MAP2K6: variants seen among roughly 807,000 people sequenced by gnomAD.
MAP2K6 encodes mitogen-activated protein kinase kinase 6.
Under a neutral mutation model 53.7 loss-of-function variants are expected in MAP2K6, and 16 were observed. The observed-to-expected ratio is 0.30, with a 90% confidence interval of 0.20 to 0.45. MAP2K6 has a LOEUF of 0.45. Ranked by LOEUF, MAP2K6 falls within the 20% of genes least tolerant of loss-of-function variation. The probability of loss-of-function intolerance (pLI) is 1.00; values close to 1 mark genes in which losing one functional copy is unlikely to be tolerated. For synonymous variants in MAP2K6, 132 were observed against 143.1 expected (o/e 0.92, Z 0.55); for missense variants, 204 against 411.9 (o/e 0.50, Z 4.37).
intron 1 of MAP2K6, among the ~76,000 whole-genome samples, chr17:69,438,006 C>T (rs554037650): frequency 3.3e-5 from 5 of 152,180 alleles, no homozygotes; most frequent in African/African-American, 7.2e-5. Context: ...TCTGGAGAGC[C>T]GCTGAAAAAG....
At chr17:69,533,509 G>A (rs1444923128) in intron 10 of MAP2K6, among the ~76,000 whole-genome samples, 1 of 152,174 alleles carries the variant, frequency 6.6e-6, no homozygotes, top group Non-Finnish European at 1.5e-5. Flanking sequence ...TAGTAACGGA[G>A]TGGGCCTGGG....
chr17:69,535,859 G>A (rs1911327808), intron 10 of MAP2K6, among the ~76,000 whole-genome samples: 1 of 147,184 alleles, frequency 6.8e-6, no homozygotes, highest in Non-Finnish European at 1.5e-5. Context: ...CATATCATCG[G>A]TAAAGTATCA....
At chr17:69,539,317 C>A (rs1307927515) in intron 11 of MAP2K6, among the ~76,000 whole-genome samples, 1 of 152,118 alleles carries the variant, frequency 6.6e-6, no homozygotes, top group Non-Finnish European at 1.5e-5. Flanking sequence ...AAAGTCCTCC[C>A]TTCTTGTCTC....
At chr17:69,458,186 TG>T (rs1907486782) in intron 1 of MAP2K6, among the ~76,000 whole-genome samples, 1 of 152,138 alleles carries the variant, frequency 6.6e-6, no homozygotes, top group African/African-American at 2.4e-5. Context: ...CCCAAGTAGC[TG>T]GGGCTACAGG....
At chr17:69,502,372 C>T (rs1229217753) in intron 1 of MAP2K6, 23 of 985,296 alleles carry the variant, frequency 2.3e-5, no homozygotes, top group African/African-American at 3.5e-5. Context: ...TCACCAGAGT[C>T]GCCTCTGCTG....
intron 1 of MAP2K6, among the ~76,000 whole-genome samples, chr17:69,482,888 A>G (rs1908399242): frequency 6.6e-6 from 1 of 151,948 alleles, no homozygotes; most frequent in Non-Finnish European, 1.5e-5. Flanking sequence ...ACCAATTTAT[A>G]TTTTCACTAT....
At chr17:69,516,783 G>T (rs75769280) in intron 2 of MAP2K6, 72 bp from the exon 3 acceptor site, 2 of 1,085,034 alleles carry the variant, frequency 1.8e-6, no homozygotes, top group African/African-American at 1.6e-5. Context: ...TATCCTCAGT[G>T]GTGTGTGATT....
At chr17:69,523,142 T>A (rs750405278) in intron 7 of MAP2K6, among the ~76,000 whole-genome samples, 37 of 152,348 alleles carry the variant, frequency 2.4e-4, no homozygotes, top group Non-Finnish European at 4.3e-4. Context: ...GCCTTTTTGT[T>A]CTTTGTTTTA....
rs1303102052 is a variant in MAP2K6, at chr17:69,548,220, G to A, written c.*6467G>A. 6.6e-6 allele frequency: 1 copy of A among 152,050 alleles called. No individual in the cohort carries two copies. The highest frequency in any genetic ancestry group is 1.5e-5 in the Non-Finnish European group (1 of 68,004). 9.4% of individuals were successfully genotyped at this position (152,050 alleles called of 1,614,324 possible). ...CATCAGTAAATTTCAATTTTAAGGG[G>A]CCTATGCAAAATGCCTCCTTTCTGA... is the stretch of plus-strand genomic sequence containing the variant. On this transcript the variant is annotated 3_prime_UTR_variant, in exon 12 of 12. Transcript: ENST00000590474.
At position 69,549,371 on chromosome 17, in the gene MAP2K6, G is replaced by T. The variant is rs1040851460; in HGVS notation, c.*7618G>T. On this transcript the variant is annotated 3_prime_UTR_variant, in exon 12 of 12. Transcript: ENST00000590474. ...TTTAGGCACTTACTTGTGTCTTAAT[G>T]TGGGAAACAGAACTTTCTAAGTAAT... The T allele has an allele frequency of 6.6e-5, 10 of 152,176 alleles. No individual in the cohort carries two copies. The highest frequency in any genetic ancestry group is 1.9e-4 in the African/African-American group (8 of 41,436). The allele number at this position is 152,176 out of a possible 1,614,324, so 9.4% of individuals were successfully genotyped here. A position where few individuals can be genotyped will look rare whatever the true frequency, so the allele number is the denominator to read the frequency against.
intron 1 of MAP2K6, among the ~76,000 whole-genome samples, chr17:69,491,372 G>C (rs1377579531): frequency 6.6e-6 from 1 of 152,112 alleles, no homozygotes; most frequent in Non-Finnish European, 1.5e-5. Flanking sequence ...TTGAACTCCT[G>C]ACCTCAACTA....
At position 69,544,001 on chromosome 17, in the gene MAP2K6, T is replaced by C. The variant is rs936546928; in HGVS notation, c.*2248T>C. 1 of 152,234 alleles carries C rather than the reference T, an allele frequency of 6.6e-6. No individual in the cohort carries two copies. The highest frequency in any genetic ancestry group is 2.4e-5 in the African/African-American group (1 of 41,458). The allele number at this position is 152,234 out of a possible 1,614,324, so 9.4% of individuals were successfully genotyped here. A position where few individuals can be genotyped will look rare whatever the true frequency, so the allele number is the denominator to read the frequency against. On this transcript the variant is annotated 3_prime_UTR_variant, in exon 12 of 12. Coordinates refer to ENST00000590474, the MANE Select transcript of MAP2K6 (RefSeq NM_002758.4). ...GGATTTAACTGGTGGGGCCTAGGAA[T>C]TGGTGTTTTTTTGTTTTGTTTTGTT... is the stretch of plus-strand genomic sequence containing the variant.
At chr17:69,530,021 G>A (rs143249737) in intron 10 of MAP2K6, among the ~76,000 whole-genome samples, 436 of 152,100 alleles carry the variant, frequency 2.9e-3, no homozygotes, top group Non-Finnish European at 4.9e-3. Context: ...ATTTTGAGCC[G>A]TAGACATGTC....
chr17:69,460,830 G>A (rs12944312), intron 1 of MAP2K6, among the ~76,000 whole-genome samples: 33,137 of 152,048 alleles, frequency 0.22, 3,836 homozygotes, highest in Middle Eastern at 0.27. Context: ...GAATTCCTGG[G>A]CTCAAGAGAT....
At chr17:69,515,318 G>A (rs1490823140) in intron 2 of MAP2K6, among the ~76,000 whole-genome samples, 5 of 151,930 alleles carry the variant, frequency 3.3e-5, no homozygotes, top group Non-Finnish European at 5.9e-5. Context: ...CACAATGCCC[G>A]GCTAATTTTT....
At position 69,546,601 on chromosome 17, in the gene MAP2K6, A is replaced by T; in HGVS notation, c.*4848A>T. On this transcript the variant is annotated 3_prime_UTR_variant, in exon 12 of 12. Transcript: ENST00000590474. ...AAGGACAATGGATACCTAGTTCCTA[A>T]TTTCCTACCCAAATGCTGTTTTGGC... 1 of 152,112 alleles carries T rather than the reference A, an allele frequency of 6.6e-6. No individual in the cohort carries two copies. The highest frequency in any genetic ancestry group is 1.9e-4 in the East Asian group (1 of 5,188). The allele number at this position is 152,112 out of a possible 1,614,324, so 9.4% of individuals were successfully genotyped here.
chr17:69,467,411 A>G (rs531317479), intron 1 of MAP2K6, among the ~76,000 whole-genome samples: 3 of 152,374 alleles, frequency 2.0e-5, no homozygotes, highest in East Asian at 1.9e-4. Context: ...GAAGTGGGCC[A>G]TCTGTAGCCA....
chr17:69,486,471 G>C (rs1908541669), intron 1 of MAP2K6, among the ~76,000 whole-genome samples: 1 of 152,172 alleles, frequency 6.6e-6, no homozygotes, highest in South Asian at 2.1e-4. Flanking sequence ...GTGATCTTGA[G>C]TGTTTAGTCT....
chr17:69,492,706 A>C (rs1908797740), intron 1 of MAP2K6, among the ~76,000 whole-genome samples: 1 of 150,818 alleles, frequency 6.6e-6, no homozygotes, highest in Admixed American at 6.6e-5. Flanking sequence ...GGGTGTGTCT[A>C]CTCTCCCTCT....
Sources: gnomAD v4.1 joint callset for allele counts (sites outside exome capture counted in the v4.1 genomes callset) on GRCh38, gnomAD v4.1.1 for gene constraint, MANE v1.5 for transcripts, NCBI Gene and HGNC (gene_info 2026-07-23, HGNC 2026-07-21) for gene names.